The following MZT2B variants were observed in gnomAD, a reference collection of about 807,000 sequenced individuals.
MZT2B encodes the protein mitotic-spindle organizing protein 2B.
A neutral mutation model predicts 12.1 loss-of-function variants in MZT2B; 11 were observed. The observed-to-expected ratio is 0.91, with a 90% CI of 0.57 to 1.50. The LOEUF is 1.50. MZT2B is among the 40% of genes most tolerant of loss of function. The pLI, the probability that MZT2B is intolerant of heterozygous loss-of-function variation, is 0.00. For synonymous variants in MZT2B, 85 were observed against 109.5 expected (o/e 0.78, Z 1.40); for missense variants, 209 against 227.7 (o/e 0.92, Z 0.53).
intron 2 of MZT2B, chr2:130,183,112 A>G (rs1689850459): frequency 1.1e-5 from 5 of 460,144 alleles, no homozygotes; most frequent in Admixed American, 7.8e-5. Context: ...GCTCACGCCT[A>G]TAATCTTTGG....
At chr2:130,183,768 G>C in intron 2 of MZT2B, 2 of 1,550,584 alleles carry the variant, frequency 1.3e-6, no homozygotes, top group Non-Finnish European at 1.7e-6. Flanking sequence ...CTCTCTTTGT[G>C]TCTCTCTCTG....
chr2:130,192,234 C>G, downstream of MZT2B: 1 of 1,427,756 alleles, frequency 7.0e-7, no homozygotes. Flanking sequence ...ACGGAGAATG[C>G]TCAGTTCACC....
At chr2:130,182,886 T>C in intron 2 of MZT2B, 111 bp downstream of exon 2, 4 of 1,469,302 alleles carry the variant, frequency 2.7e-6, no homozygotes, top group Non-Finnish European at 3.6e-6. Flanking sequence ...TGTCTGTCGG[T>C]CTAGGCCCAG....
At chr2:130,182,186 C>G (rs1361521680), upstream of MZT2B, 4 of 1,257,870 alleles carry the variant, frequency 3.2e-6, no homozygotes, top group Admixed American at 4.0e-5. Flanking sequence ...CCAGGGCAGC[C>G]CGGGAGGCCA....
intron 2 of MZT2B, among the ~76,000 whole-genome samples, chr2:130,185,492 AAAAG>A (rs1230174859): frequency 2.9e-5 from 3 of 104,880 alleles, no homozygotes; most frequent in Non-Finnish European, 4.3e-5. Context: ...AAAAAAAAAA[AAAAG>A]AAAAACCGCT....
At chr2:130,181,991 C>A (rs1371622349), upstream of MZT2B, 2 of 1,379,960 alleles carry the variant, frequency 1.4e-6, no homozygotes, top group Non-Finnish European at 1.9e-6. Context: ...GGTGCTGCCA[C>A]CTAAGCGAGC....
intron 2 of MZT2B, chr2:130,183,923 G>A (rs557279045): frequency 1.3e-5 from 20 of 1,550,502 alleles, no homozygotes; most frequent in South Asian, 4.8e-5. Context: ...CAGGCCCCCC[G>A]GGTTCCCTCC....
At chr2:130,181,750 G>T (rs1170728347), upstream of MZT2B, 6 of 1,548,242 alleles carry the variant, frequency 3.9e-6, no homozygotes, top group Admixed American at 2.0e-5. Context: ...GGAGGGAGTG[G>T]TCCTTAGCTG....
downstream of MZT2B, chr2:130,194,263 C>T (rs771838173): frequency 2.5e-5 from 40 of 1,582,616 alleles, 1 homozygote; most frequent in South Asian, 4.5e-5. Flanking sequence ...GTTCCAGGGT[C>T]GTGTGGGTGG....
intron 2 of MZT2B, among the ~76,000 whole-genome samples, chr2:130,189,897 G>C (rs1309540991): frequency 6.6e-6 from 1 of 152,200 alleles, no homozygotes; most frequent in Non-Finnish European, 1.5e-5. Context: ...AGCTAAACCC[G>C]AAAGCAAGAG....
At chr2:130,193,770 T>C (rs200242335), downstream of MZT2B, 1,790 of 1,572,094 alleles carry the variant, frequency 1.1e-3, 4 homozygotes, top group Non-Finnish European at 1.1e-3. Context: ...AAGGCCTCCA[T>C]GTCACCCAGT....
At chr2:130,188,894 C>G (rs1311067157) in intron 2 of MZT2B, among the ~76,000 whole-genome samples, 5 of 151,982 alleles carry the variant, frequency 3.3e-5, no homozygotes, top group Non-Finnish European at 5.9e-5. Flanking sequence ...TCTCTAGACA[C>G]CCGGTTGCAT....
At chr2:130,189,539 G>T (rs1690182593) in intron 2 of MZT2B, among the ~76,000 whole-genome samples, 1 of 152,158 alleles carries the variant, frequency 6.6e-6, no homozygotes, top group Admixed American at 6.5e-5. Flanking sequence ...CCACAGGCCA[G>T]ACCCTGCCAG....
At chr2:130,186,087 C>A (rs112709881) in intron 2 of MZT2B, among the ~76,000 whole-genome samples, 2 of 151,968 alleles carry the variant, frequency 1.3e-5, no homozygotes, top group African/African-American at 4.8e-5. Context: ...AGCATCTGAC[C>A]ACACAGAGCT....
At chr2:130,183,072 A>T (rs1175187327) in intron 2 of MZT2B, 1 of 537,160 alleles carries the variant, frequency 1.9e-6, no homozygotes, top group Non-Finnish European at 3.2e-6. Context: ...CAACGTCGGG[A>T]ATCAAGACAG....
intron 2 of MZT2B, chr2:130,183,465 G>A: frequency 2.2e-6 from 1 of 461,330 alleles, no homozygotes; most frequent in Non-Finnish European, 4.0e-6. Flanking sequence ...GGAGATTCTG[G>A]GACTGAGAGT....
In MZT2B at chr2:130,189,054, A is replaced by G. The variant is rs75922108; in HGVS notation, c.320-1415A>G. 6.8e-4 allele frequency among the ~76,000 whole-genome samples: 104 copies of G among 152,200 alleles called. No homozygotes were observed. The East Asian group carries it at 0.019, about 28-fold the overall frequency. On this transcript the variant is annotated intron_variant, in intron 2 of 2. Transcript: ENST00000281871. ...AAGTGATGGCAGGGGAGTTCCTGCA[A>G]GGGACTGCCCCAAACCTTTCCAGGA...
intron 2 of MZT2B, among the ~76,000 whole-genome samples, chr2:130,189,314 C>A (rs1229107278): frequency 6.6e-6 from 1 of 152,162 alleles, no homozygotes; most frequent in Non-Finnish European, 1.5e-5. Flanking sequence ...AGCAACATGT[C>A]AGATCTTTCA....
intron 2 of MZT2B, chr2:130,183,312 G>T: frequency 3.5e-6 from 1 of 283,750 alleles, no homozygotes; most frequent in South Asian, 3.8e-5. Context: ...CCTGGGCCCA[G>T]TTCCTGCGCA....
Sources: allele counts gnomAD v4.1 joint callset (sites outside exome capture counted in the v4.1 genomes callset), GRCh38; gene constraint gnomAD v4.1.1; transcripts MANE v1.5; gene names NCBI Gene and HGNC (gene_info 2026-07-23, HGNC 2026-07-21).